ZFHX3: variants seen among roughly 807,000 people sequenced by gnomAD.
The protein encoded by ZFHX3 is zinc finger homeobox 3, also known as zinc finger homeobox protein 3.
ZFHX3 carries 42 observed loss-of-function variants against 279.1 expected under a neutral mutation model. The ratio of observed to expected loss-of-function variants is 0.15; its 90% CI spans 0.12 to 0.19. The LOEUF (loss-of-function observed/expected upper bound fraction) is 0.19, where lower values mean the gene tolerates loss of function less well. Ranked by LOEUF, ZFHX3 falls within the 10% of genes least tolerant of loss-of-function variation. The probability of loss-of-function intolerance (pLI) is 1.00; values close to 1 mark genes in which losing one functional copy is unlikely to be tolerated. For synonymous variants in ZFHX3, 2,293 were observed against 1,957.8 expected (o/e 1.17, Z -4.52); for missense variants, 4,981 against 4,754.0 (o/e 1.05, Z -1.40).
chr16:73,113,965 T>A (rs1431228329), intron 7 of ZFHX3, among the ~76,000 whole-genome samples: 1 of 151,760 alleles, frequency 6.6e-6, no homozygotes, highest in East Asian at 1.9e-4. Context: ...CCAGCTAATT[T>A]TTTTGTATTT....
At chr16:73,733,099 T>A (rs894925385) in intron 1 of ZFHX3, among the ~76,000 whole-genome samples, 1 of 36,010 alleles carries the variant, frequency 2.8e-5, no homozygotes, top group Non-Finnish European at 1.2e-4. Flanking sequence ...AAATAAGCAT[T>A]GAAATAAAAT....
At chr16:73,053,551 G>T (rs77193120) in intron 1 of ZFHX3, among the ~76,000 whole-genome samples, 4,020 of 152,270 alleles carry the variant, frequency 0.026, 61 homozygotes, top group South Asian at 0.062. Context: ...GGGGCAAAGT[G>T]GGGGGAGGTG....
At chr16:73,163,986 G>A (rs138889991) in intron 5 of ZFHX3, among the ~76,000 whole-genome samples, 38 of 152,202 alleles carry the variant, frequency 2.5e-4, no homozygotes, top group Middle Eastern at 6.8e-3. Context: ...GCAGATGACC[G>A]TCAGAGAGGT....
intron 4 of ZFHX3, among the ~76,000 whole-genome samples, chr16:73,272,428 G>C (rs1190895701): frequency 1.3e-5 from 2 of 152,162 alleles, no homozygotes; most frequent in Non-Finnish European, 2.9e-5. Flanking sequence ...CAATACATAT[G>C]ACATTTTACA....
chr16:73,102,635 C>G (rs1966246761), intron 7 of ZFHX3, among the ~76,000 whole-genome samples: 2 of 152,048 alleles, frequency 1.3e-5, no homozygotes, highest in South Asian at 4.1e-4. Flanking sequence ...GTCAATTTGT[C>G]TGCATTTGCT....
At chr16:73,495,731 C>T (rs531220252) in intron 2 of ZFHX3, among the ~76,000 whole-genome samples, 1 of 152,136 alleles carries the variant, frequency 6.6e-6, no homozygotes, top group Non-Finnish European at 1.5e-5. Flanking sequence ...ATCTTAGGAC[C>T]TTGACAAGAC....
At chr16:72,909,816 C>T (rs1191089665) in intron 3 of ZFHX3, among the ~76,000 whole-genome samples, 3 of 140,902 alleles carry the variant, frequency 2.1e-5, no homozygotes, top group African/African-American at 5.4e-5. Context: ...AAGTTGAGGC[C>T]GCAATGAGCC....
chr16:72,834,672 T>G (rs540652567), intron 4 of ZFHX3, among the ~76,000 whole-genome samples: 1 of 152,164 alleles, frequency 6.6e-6, no homozygotes, highest in East Asian at 1.9e-4. Context: ...AACCTGGAAA[T>G]TGGTTCGCGA....
intron 2 of ZFHX3, among the ~76,000 whole-genome samples, chr16:73,662,084 T>C (rs752681942): frequency 9.9e-5 from 15 of 151,800 alleles, no homozygotes; most frequent in Non-Finnish European, 2.1e-4. Context: ...GATAAAATGC[T>C]GTGGCAGGTG....
At chr16:73,120,684 T>C (rs1387998990) in intron 7 of ZFHX3, among the ~76,000 whole-genome samples, 7 of 128,064 alleles carry the variant, frequency 5.5e-5, no homozygotes, top group African/African-American at 2.1e-4. Flanking sequence ...AGACAGAATC[T>C]CGCTCTGTCG....
chr16:73,178,274 A>G (rs1967711403), intron 5 of ZFHX3, among the ~76,000 whole-genome samples: 1 of 151,486 alleles, frequency 6.6e-6, no homozygotes, highest in South Asian at 2.1e-4. Context: ...AGTAGCTAGG[A>G]TTACAGGCAC....
Position 72,787,031 on chromosome 16 carries a change from TTTTTTTTC to T in ZFHX3, c.*125_*132del, listed in dbSNP as rs2035410148. On this transcript the variant is annotated 3_prime_UTR_variant, in exon 10 of 10. Coordinates refer to ENST00000268489, the MANE Select transcript of ZFHX3 (RefSeq NM_006885.4). Reference sequence around the variant, plus strand: ...ATGGGAAAACAACCCACGCTTTTTCTTTTTTTTCTTTTTTTTTTTTTTTTTGTTTTTTG... The same window carrying T: ...ATGGGAAAACAACCCACGCTTTTTCTTTTTTTTTTTTTTTTTTGTTTTTTG... 8.4e-6 allele frequency: 9 copies of T among 1,070,896 alleles called. No homozygotes were observed. The highest frequency in any genetic ancestry group is 1.1e-5 in the Non-Finnish European group (9 of 828,082). The allele number at this position is 1,070,896 out of a possible 1,614,324, so 66.3% of individuals were successfully genotyped here. A position where few individuals can be genotyped will look rare whatever the true frequency, so the allele number is the denominator to read the frequency against.
intron 7 of ZFHX3, among the ~76,000 whole-genome samples, chr16:73,096,109 G>A (rs1966158929): frequency 6.6e-6 from 1 of 152,178 alleles, no homozygotes; most frequent in African/African-American, 2.4e-5. Flanking sequence ...CCTCCTCCCA[G>A]CACCTGGTTG....
At chr16:73,854,134 C>T (rs1479299525) in intron 1 of ZFHX3, among the ~76,000 whole-genome samples, 1 of 152,140 alleles carries the variant, frequency 6.6e-6, no homozygotes, top group Non-Finnish European at 1.5e-5. Flanking sequence ...TGACAAACCA[C>T]AAACACAGGT....
chr16:73,058,583 G>A (rs1023330240), exon 1 of ZFHX3: 3 of 245,290 alleles, frequency 1.2e-5, no homozygotes, highest in African/African-American at 4.7e-5. Context: ...CGACGGCGGC[G>A]GCGGCGGGAG....
intron 1 of ZFHX3, among the ~76,000 whole-genome samples, chr16:72,990,894 C>T (rs548524077): frequency 1.3e-5 from 2 of 152,100 alleles, no homozygotes; most frequent in African/African-American, 4.8e-5. Flanking sequence ...GTACAAGAAT[C>T]GCTTAAACTC....
chr16:73,478,295 A>G (rs1277830578), intron 2 of ZFHX3, among the ~76,000 whole-genome samples: 1 of 146,398 alleles, frequency 6.8e-6, no homozygotes, highest in Non-Finnish European at 1.5e-5. Context: ...AGTCAGAATT[A>G]GGTACTAAAA....
intron 3 of ZFHX3, among the ~76,000 whole-genome samples, chr16:73,450,418 C>T (rs1332189776): frequency 1.3e-5 from 2 of 151,832 alleles, no homozygotes; most frequent in African/African-American, 4.8e-5. Flanking sequence ...TGTATTCTAC[C>T]ACTTTTAATT....
intron 5 of ZFHX3, among the ~76,000 whole-genome samples, chr16:73,163,137 C>A (rs1228054459): frequency 1.3e-5 from 2 of 152,220 alleles, no homozygotes. Context: ...TCTAGTTTAA[C>A]TCTGCCTGGC....
Sources: gnomAD v4.1 joint callset for allele counts (sites outside exome capture counted in the v4.1 genomes callset) on GRCh38, gnomAD v4.1.1 for gene constraint, MANE v1.5 for transcripts, NCBI Gene and HGNC (gene_info 2026-07-23, HGNC 2026-07-21) for gene names.